The following ZNF570 variants were observed in gnomAD, a reference collection of about 807,000 sequenced individuals.
ZNF570 encodes the protein zinc finger protein 570.
A neutral mutation model predicts 14.2 loss-of-function variants in ZNF570; 8 were observed. The observed-to-expected ratio is 0.56, with a 90% CI of 0.33 to 1.02. ZNF570 has a LOEUF of 1.02. ZNF570 is among the 50% of genes least tolerant of loss of function. The pLI is 0.03. For missense variants in ZNF570, 559 were observed against 624.9 expected, an observed-to-expected ratio of 0.89 and a Z score of 1.12; for synonymous variants, 202 against 207.6, an observed-to-expected ratio of 0.97 and a Z score of 0.23.
Position 37,483,900 on chromosome 19 carries a change from C to A in ZNF570, c.278C>A (p.Thr93Asn). 6.2e-7 allele frequency: 1 copy of A among 1,610,660 alleles called. No individual in the cohort carries two copies. The highest frequency in any genetic ancestry group is 2.2e-5 in the East Asian group (1 of 44,824). ...LCSGWEPICE[T>N]EELTPKQDFY... Reference sequence around the variant, plus strand: ...TCAGGCTGGGAGCCTATATGTGAGACTGAAGAATTAACCCCAAAGCAGGAT... The same window carrying A: ...TCAGGCTGGGAGCCTATATGTGAGAATGAAGAATTAACCCCAAAGCAGGAT... The change falls in exon 5 of 5, where the codon ACT (threonine) becomes AAT (asparagine). Residue 93 changes from threonine (T) to asparagine (N), a missense_variant. Transcript: ENST00000330173.
At chr19:37,481,448 C>T (rs114372048) in intron 4 of ZNF570, among the ~76,000 whole-genome samples, 3,649 of 152,224 alleles carry the variant, frequency 0.024, 164 homozygotes, top group African/African-American at 0.083. Flanking sequence ...CCATTGTGCC[C>T]GGTGACAGAT....
At position 37,485,127 on chromosome 19, in the gene ZNF570, A is replaced by T; in HGVS notation, c.1505A>T (p.Glu502Val). The T allele has an allele frequency of 6.2e-7, 1 of 1,612,218 alleles. No homozygotes were observed. The highest frequency in any genetic ancestry group is 8.5e-7 in the Non-Finnish European group (1 of 1,179,284). ...GGAGAGAGACCCTATGAATGTAAGG[A>T]ATGCAAAAAAACCTTCAGGCAGCAT... ...HTGERPYECK[E>V]CKKTFRQHAH... The change falls in exon 5 of 5, where the codon GAA becomes GTA. Residue 502 changes from glutamate to valine, a missense_variant. Coordinates refer to ENST00000330173, the MANE Select transcript of ZNF570 (RefSeq NM_144694.5).
chr19:37,485,159 C>T lies in ZNF570; in HGVS notation c.1537C>T (p.Leu513Phe). 11 of 1,602,854 alleles carry T rather than the reference C, an allele frequency of 6.9e-6. No individual in the cohort carries two copies. Among genetic ancestry groups the T allele is most frequent in the Non-Finnish European group, 9.4e-6 (11 of 1,174,276 alleles). Residue 513 changes from leucine (L) to phenylalanine (F), a missense_variant, in exon 5 of 5, where the codon CTT becomes TTT. By Grantham distance (22) the Leu-to-Phe change is conservative (BLOSUM62 0). Transcript: ENST00000330173. ...AAAAACCTTCAGGCAGCATGCACAC[C>T]TTGCTCATCACCAGAGAATTCACAT... ...CKKTFRQHAH[L>F]AHHQRIHIGE...
In ZNF570 at chr19:37,487,997, T is replaced by C. The variant is rs2042174144; in HGVS notation, c.*2764T>C. On this transcript the variant is annotated 3_prime_UTR_variant, in exon 5 of 5. Transcript: ENST00000330173. ...CAATTACTGGAAAGATGTGGAGCAA[T>C]AGGAACACTCATACGGTGCTATAGG... 2.0e-5 allele frequency: 3 copies of C among 152,168 alleles called. No homozygotes were observed. The highest frequency in any genetic ancestry group is 1.9e-4 in the East Asian group (1 of 5,198). The allele number at this position is 152,168 out of a possible 1,614,324, so 9.4% of individuals were successfully genotyped here. A position where few individuals can be genotyped will look rare whatever the true frequency, so the allele number is the denominator to read the frequency against.
At position 37,475,949 on chromosome 19, in the gene ZNF570, T is replaced by C; in HGVS notation, c.102T>C (p.Ser34=). 6.2e-7 allele frequency: 1 copy of C among 1,614,130 alleles called. No homozygotes were observed. The highest frequency in any genetic ancestry group is 2.2e-5 in the East Asian group (1 of 44,872). ...SQEEWDCLDS[S]QRHLYSNVML... ...AGGAATGGGATTGTCTGGATTCTTC[T>C]CAAAGACATCTGTACAGTAATGTGA... Residue 34 remains serine, a synonymous_variant, in exon 3 of 5, where the codon TCT becomes TCC. Transcript: ENST00000330173.
At chr19:37,480,347 G>A (rs2042073081) in intron 4 of ZNF570, among the ~76,000 whole-genome samples, 1 of 152,036 alleles carries the variant, frequency 6.6e-6, no homozygotes, top group South Asian at 2.1e-4. Context: ...AGCTGGGCGT[G>A]GTGGCATGCA....
chr19:37,469,239 C>T, upstream of ZNF570: 1 of 1,372,526 alleles, frequency 7.3e-7, no homozygotes, highest in Non-Finnish European at 9.4e-7. Flanking sequence ...TGCACCGCTG[C>T]TGCCAGACAC....
chr19:37,473,693 CTA>C (rs558950376), intron 2 of ZNF570, among the ~76,000 whole-genome samples: 159 of 152,150 alleles, frequency 1.0e-3, no homozygotes, highest in Non-Finnish European at 2.0e-3. Context: ...GAGGATGAGA[CTA>C]TTCCAGGAGA....
intron 4 of ZNF570, among the ~76,000 whole-genome samples, chr19:37,477,288 CGT>C (rs71177457): frequency 0.28 from 32,140 of 115,202 alleles, 3,945 homozygotes; most frequent in South Asian, 0.3. Flanking sequence ...GGGAGGTTGT[CGT>C]GTGTGTGTGT....
rs2042143602 is a variant in ZNF570 at position 37,485,339 on chromosome 19, G to T, written c.*106G>T. 8.9e-7 allele frequency: 1 copy of T among 1,127,860 alleles called. No homozygotes were observed. Among genetic ancestry groups the T allele is most frequent in the Non-Finnish European group, 1.2e-6 (1 of 840,890 alleles). 69.9% of individuals were successfully genotyped at this position (1,127,860 alleles called of 1,614,324 possible). ...TGATTACTAATATAGCTTTCAAACAGGTTTTCCTGTATTTATTTTTGCTAC... is the reference window on the plus strand; with the variant it reads ...TGATTACTAATATAGCTTTCAAACATGTTTTCCTGTATTTATTTTTGCTAC... On this transcript the variant is annotated 3_prime_UTR_variant, in exon 5 of 5. Transcript: ENST00000330173.
upstream of ZNF570, among the ~76,000 whole-genome samples, chr19:37,468,362 T>C (rs779163092): frequency 2.0e-5 from 3 of 152,160 alleles, no homozygotes; most frequent in Non-Finnish European, 4.4e-5. Flanking sequence ...GTGCTAGGAT[T>C]ACAGGCATGA....
intron 4 of ZNF570, 165 bp downstream of exon 4, chr19:37,476,599 A>T: frequency 9.9e-7 from 1 of 1,011,240 alleles, no homozygotes; most frequent in Non-Finnish European, 1.3e-6. Context: ...GTTATTTTTA[A>T]TTATTTCCCT....
At chr19:37,468,108 A>G (rs909001700), upstream of ZNF570, 8 of 642,438 alleles carry the variant, frequency 1.2e-5, no homozygotes, top group Admixed American at 2.3e-4. Context: ...TTTTTGAGGC[A>G]GAGCCTCACT....
At position 37,484,668 on chromosome 19, in the gene ZNF570, A is replaced by G; in HGVS notation, c.1046A>G (p.Gln349Arg). ...AACAGATCATCCATTGCTCAACACC[A>G]GAGAGTTCATACAGGAGAGAAACCC... is the stretch of plus-strand genomic sequence containing the variant. ...FSNRSSIAQH[Q>R]RVHTGEKPYE... The change falls in exon 5 of 5, where the codon CAG (glutamine) becomes CGG (arginine). Residue 349 changes from glutamine (Q) to arginine (R), a missense_variant. Physicochemically the swap from Gln to Arg is conservative, Grantham distance 43 (BLOSUM62 1). Transcript: ENST00000330173. The G allele has an allele frequency of 6.2e-7, 1 of 1,614,142 alleles. No homozygotes were observed. Among genetic ancestry groups the G allele is most frequent in the Non-Finnish European group, 8.5e-7 (1 of 1,180,002 alleles).
intron 4 of ZNF570, 116 bp from the exon 5 acceptor site, chr19:37,483,763 A>G (rs1443638893): frequency 2.5e-5 from 28 of 1,099,052 alleles, no homozygotes; most frequent in Non-Finnish European, 3.2e-5. Flanking sequence ...GCAAAAGCCA[A>G]TGTTCCTGTG....
At chr19:37,468,037 C>G (rs1449575262), upstream of ZNF570, 1 of 1,012,310 alleles carries the variant, frequency 9.9e-7, no homozygotes, top group Non-Finnish European at 1.5e-6. Flanking sequence ...TGTGTCATCT[C>G]AGACTAGGTA....
In ZNF570 at chr19:37,486,047, TAA is replaced by T. The variant is rs2042151905; in HGVS notation, c.*818_*819del. 6.7e-6 allele frequency: 1 copy of T among 148,524 alleles called. No homozygotes were observed. The allele number at this position is 148,524 out of a possible 1,614,324, so 9.2% of individuals were successfully genotyped here. A position where few individuals can be genotyped will look rare whatever the true frequency, so the allele number is the denominator to read the frequency against. On this transcript the variant is annotated 3_prime_UTR_variant, in exon 5 of 5. Coordinates refer to ENST00000330173, the MANE Select transcript of ZNF570 (RefSeq NM_144694.5). ...ACAAGGCTGCAACTCCGTCTCAAAA[TAA>T]AAAGAAAAGAAGAGAAAAGAAAACA...
At chr19:37,473,896 T>A (rs2081095) in intron 2 of ZNF570, among the ~76,000 whole-genome samples, 2,617 of 152,264 alleles carry the variant, frequency 0.017, 73 homozygotes, top group African/African-American at 0.059. Flanking sequence ...GGATTGTGAT[T>A]GACATATCCT....
chr19:37,472,019 C>T (rs542240908), intron 2 of ZNF570, among the ~76,000 whole-genome samples: 2 of 151,302 alleles, frequency 1.3e-5, no homozygotes, highest in South Asian at 4.2e-4. Flanking sequence ...CTGCTTCAAG[C>T]GATTCTCTTG....
Sources: allele counts gnomAD v4.1 joint callset (sites outside exome capture counted in the v4.1 genomes callset), GRCh38; gene constraint gnomAD v4.1.1; transcripts MANE v1.5; gene names NCBI Gene and HGNC (gene_info 2026-07-23, HGNC 2026-07-21).